TENT4B: variants seen among roughly 807,000 people sequenced by gnomAD.
The protein encoded by TENT4B is PAP associated domain containing 5.
In TENT4B, 10 loss-of-function variants were observed where a neutral mutation model predicts 75.0. The observed-to-expected ratio is 0.13, with a 90% confidence interval of 0.08 to 0.23. TENT4B has a LOEUF of 0.23. TENT4B is among the 10% of genes least tolerant of loss of function. The probability of loss-of-function intolerance (pLI) is 1.00; values close to 1 mark genes in which losing one functional copy is unlikely to be tolerated. For synonymous variants in TENT4B, 350 were observed against 357.7 expected (o/e 0.98, Z 0.24); for missense variants, 579 against 893.8 (o/e 0.65, Z 4.49).
intron 1 of TENT4B, among the ~76,000 whole-genome samples, chr16:50,195,372 CT>C (rs1227507794): frequency 2.0e-5 from 3 of 152,162 alleles, no homozygotes; most frequent in African/African-American, 7.2e-5. Context: ...GAACTTGATT[CT>C]TTTGGAGAAA....
At chr16:50,213,386 A>G (rs746814301) in intron 2 of TENT4B, among the ~76,000 whole-genome samples, 3 of 152,152 alleles carry the variant, frequency 2.0e-5, no homozygotes, top group Non-Finnish European at 4.4e-5. Flanking sequence ...AATTACCTGC[A>G]TACATATTTC....
intron 1 of TENT4B, among the ~76,000 whole-genome samples, chr16:50,182,891 C>CGTTTTTTTTTTTTTTTT: frequency 2.7e-5 from 1 of 36,470 alleles, no homozygotes; most frequent in East Asian, 1.2e-3. Flanking sequence ...TTTATTTTAC[C>CGTTTTTTTTTTTTTTTT]TTTTTTTTTT....
intron 1 of TENT4B, among the ~76,000 whole-genome samples, chr16:50,177,227 T>C (rs565798058): frequency 6.6e-6 from 1 of 152,204 alleles, no homozygotes; most frequent in East Asian, 1.9e-4. Flanking sequence ...GGTCTTGAAC[T>C]TCTGATCTCA....
intron 1 of TENT4B, among the ~76,000 whole-genome samples, chr16:50,196,915 A>G (rs1455041897): frequency 2.6e-5 from 4 of 151,776 alleles, no homozygotes; most frequent in Non-Finnish European, 5.9e-5. Flanking sequence ...CAGTGTGGGT[A>G]ACAGAACGAA....
intron 2 of TENT4B, among the ~76,000 whole-genome samples, chr16:50,212,783 G>A (rs1801983873): frequency 6.6e-6 from 1 of 152,172 alleles, no homozygotes; most frequent in South Asian, 2.1e-4. Flanking sequence ...CGCACTGCTA[G>A]TACCTAGTGG....
intron 2 of TENT4B, among the ~76,000 whole-genome samples, chr16:50,213,078 G>A (rs999009101): frequency 4.0e-5 from 6 of 151,842 alleles, no homozygotes; most frequent in Non-Finnish European, 7.4e-5. Context: ...TTTTTCCCCC[G>A]AGATGGAGTC....
At position 50,232,490 on chromosome 16, in the gene TENT4B, C is replaced by G. The variant is rs1229543639; in HGVS notation, c.*3162C>G. 1.0e-6 allele frequency: 1 copy of G among 985,218 alleles called. No individual in the cohort carries two copies. Among genetic ancestry groups the G allele is most frequent in the East Asian group, 1.1e-4 (1 of 8,820 alleles). The allele number at this position is 985,218 out of a possible 1,614,324, so 61.0% of individuals were successfully genotyped here. ...GAGCATTTTTAATTGTCTTTTTCTG[C>G]TGGAACCTTATATCTCTCCATGTGT... On this transcript the variant is annotated 3_prime_UTR_variant, in exon 12 of 12. Transcript: ENST00000561678.
intron 1 of TENT4B, among the ~76,000 whole-genome samples, chr16:50,200,243 A>G (rs181217354): frequency 3.9e-5 from 6 of 151,946 alleles, no homozygotes; most frequent in Admixed American, 2.6e-4. Flanking sequence ...TTATGTGCCT[A>G]TAGTCCTAAC....
intron 11 of TENT4B, 116 bp from the exon 12 acceptor site, chr16:50,229,036 G>GT: frequency 6.6e-7 from 1 of 1,511,208 alleles, no homozygotes; most frequent in Non-Finnish European, 8.8e-7. Context: ...GATCAGTAAG[G>GT]TAACAATCTA....
intron 1 of TENT4B, among the ~76,000 whole-genome samples, chr16:50,187,569 C>T (rs112092578): frequency 0.016 from 2,485 of 152,192 alleles, 62 homozygotes; most frequent in African/African-American, 0.056. Context: ...GGCGACAGAG[C>T]GAGACTCCAT....
chr16:50,187,184 C>T (rs1212692293), intron 1 of TENT4B, among the ~76,000 whole-genome samples: 1 of 152,230 alleles, frequency 6.6e-6, no homozygotes, highest in Non-Finnish European at 1.5e-5. Context: ...AATGCAGTGT[C>T]ATGAAGCTTT....
At chr16:50,213,908 G>A (rs1209280845) in intron 2 of TENT4B, among the ~76,000 whole-genome samples, 1 of 152,184 alleles carries the variant, frequency 6.6e-6, no homozygotes, top group African/African-American at 2.4e-5. Context: ...CCATTTTATA[G>A]CAGGGACTCA....
intron 7 of TENT4B, 112 bp from the exon 8 acceptor site, chr16:50,224,545 C>T (rs1008658280): frequency 5.1e-6 from 7 of 1,363,038 alleles, no homozygotes; most frequent in Non-Finnish European, 6.0e-6. Context: ...AGCTTCCAGG[C>T]ACAACTCTGG....
intron 1 of TENT4B, among the ~76,000 whole-genome samples, chr16:50,194,103 A>T (rs2030039548): frequency 6.6e-6 from 1 of 151,938 alleles, no homozygotes; most frequent in Middle Eastern, 3.2e-3. Context: ...TTCAAGTGAG[A>T]TCTGTTTTTT....
intron 1 of TENT4B, among the ~76,000 whole-genome samples, chr16:50,159,246 GTT>G (rs71138048): frequency 2.3e-3 from 314 of 136,382 alleles, no homozygotes; most frequent in Non-Finnish European, 3.1e-3. Flanking sequence ...CTCTCTTTCT[GTT>G]TTTTTTTTTT....
At chr16:50,210,340 T>G (rs2031213325) in intron 1 of TENT4B, among the ~76,000 whole-genome samples, 1 of 152,226 alleles carries the variant, frequency 6.6e-6, no homozygotes, top group East Asian at 1.9e-4. Context: ...TCCAGACCAG[T>G]AGTTTTCCCC....
chr16:50,222,837 G>A (rs2031889244), intron 6 of TENT4B, among the ~76,000 whole-genome samples: 1 of 152,220 alleles, frequency 6.6e-6, no homozygotes, highest in African/African-American at 2.4e-5. Flanking sequence ...AGTATTGTAA[G>A]TGGGTATGTT....
intron 3 of TENT4B, among the ~76,000 whole-genome samples, chr16:50,215,432 T>TA (rs1026270878): frequency 6.6e-5 from 10 of 152,306 alleles, no homozygotes; most frequent in Non-Finnish European, 1.3e-4. Flanking sequence ...TCAGCATCAG[T>TA]AAAACATGAA....
intron 1 of TENT4B, among the ~76,000 whole-genome samples, chr16:50,195,902 CTAA>C (rs1274706060): frequency 1.3e-5 from 2 of 152,260 alleles, no homozygotes; most frequent in East Asian, 3.9e-4. Context: ...CTTTACAGGG[CTAA>C]TGAGTAAGCA....
Sources: gnomAD v4.1 joint callset for allele counts (sites outside exome capture counted in the v4.1 genomes callset) on GRCh38, gnomAD v4.1.1 for gene constraint, MANE v1.5 for transcripts, NCBI Gene and HGNC (gene_info 2026-07-23, HGNC 2026-07-21) for gene names.